Variants in RFX3 observed in about 807,000 individuals in gnomAD.
RFX3 encodes the protein transcription factor RFX3.
Under a neutral mutation model 98.6 loss-of-function variants are expected in RFX3, and 14 were observed. That is an observed-to-expected ratio of 0.14 (90% CI 0.09 to 0.22). The LOEUF (loss-of-function observed/expected upper bound fraction) is 0.22, where lower values mean the gene tolerates loss of function less well. Ranked by LOEUF, RFX3 falls within the 10% of genes least tolerant of loss-of-function variation. The pLI, the probability that RFX3 is intolerant of heterozygous loss-of-function variation, is 1.00. For synonymous variants in RFX3, 383 were observed against 328.4 expected, an observed-to-expected ratio of 1.17 and a Z score of -1.80; for missense variants, 639 against 926.9, an observed-to-expected ratio of 0.69 and a Z score of 4.03.
chr9:3,392,943 T>G (rs894784852), intron 2 of RFX3, among the ~76,000 whole-genome samples: 2 of 151,604 alleles, frequency 1.3e-5, no homozygotes, highest in Admixed American at 1.3e-4. Context: ...TTACTGAATT[T>G]ACTGAAATTA....
intron 3 of RFX3, among the ~76,000 whole-genome samples, chr9:3,345,741 C>T (rs1812570398): frequency 6.6e-6 from 1 of 152,060 alleles, no homozygotes; most frequent in Admixed American, 6.6e-5. Context: ...TAGATAACAA[C>T]AACTGAACTC....
intron 1 of RFX3, among the ~76,000 whole-genome samples, chr9:3,494,430 C>T (rs2133557413): frequency 6.6e-6 from 1 of 152,164 alleles, no homozygotes; most frequent in South Asian, 2.1e-4. Flanking sequence ...CAAAAAAAGT[C>T]AGATTTGTGA....
At chr9:3,465,772 A>T (rs564081237) in intron 1 of RFX3, among the ~76,000 whole-genome samples, 1 of 152,180 alleles carries the variant, frequency 6.6e-6, no homozygotes, top group Non-Finnish European at 1.5e-5. Flanking sequence ...ATATCTCAAA[A>T]TAGAGCAGTG....
intron 4 of RFX3, among the ~76,000 whole-genome samples, chr9:3,320,380 C>G (rs1005900053): frequency 6.6e-6 from 1 of 151,820 alleles, no homozygotes; most frequent in African/African-American, 2.4e-5. Context: ...CAGGGAAACC[C>G]CATGTCTACC....
chr9:3,368,129 C>A lies in RFX3; in HGVS notation c.118-21365G>T, dbSNP rs1395361522. 5.9e-5 allele frequency among the ~76,000 whole-genome samples: 9 copies of A among 152,252 alleles called. No individual in the cohort carries two copies. The South Asian group carries it at 1.9e-3, about 32-fold the overall frequency. ...GATCTTCTGCCTCTAAGTGAAAATG[C>A]AATTTATTGCATAATATATTACCTT... On this transcript the variant is annotated intron_variant, in intron 2 of 16. Coordinates refer to ENST00000617270, the MANE Select transcript of RFX3 (RefSeq NM_001282116.2).
chr9:3,353,129 T>C (rs893409797), intron 2 of RFX3, among the ~76,000 whole-genome samples: 9 of 141,792 alleles, frequency 6.3e-5, no homozygotes, highest in Non-Finnish European at 1.0e-4. Context: ...TTCTCACTCA[T>C]AGGTGGGAAT....
chr9:3,246,518 A>G (rs1820700838), intron 15 of RFX3, among the ~76,000 whole-genome samples: 1 of 152,168 alleles, frequency 6.6e-6, no homozygotes, highest in Admixed American at 6.5e-5. Context: ...TCATTATCCT[A>G]TTTATCTTGT....
intron 5 of RFX3, among the ~76,000 whole-genome samples, chr9:3,297,003 A>G (rs1276809370): frequency 6.6e-6 from 1 of 152,140 alleles, no homozygotes; most frequent in Non-Finnish European, 1.5e-5. Flanking sequence ...TGTCTAAAAC[A>G]TAGTATTAGG....
chr9:3,257,637 G>A (rs922009288), intron 13 of RFX3, among the ~76,000 whole-genome samples: 1 of 152,140 alleles, frequency 6.6e-6, no homozygotes, highest in African/African-American at 2.4e-5. Flanking sequence ...TTTAGGGTAA[G>A]TCAGACAGAT....
At chr9:3,498,808 C>T (rs574482196) in intron 1 of RFX3, among the ~76,000 whole-genome samples, 15 of 152,102 alleles carry the variant, frequency 9.9e-5, no homozygotes, top group Non-Finnish European at 1.9e-4. Flanking sequence ...TTATTACATC[C>T]GGCCTGGTCA....
At chr9:3,297,497 T>C (rs578137698) in intron 5 of RFX3, among the ~76,000 whole-genome samples, 7 of 152,190 alleles carry the variant, frequency 4.6e-5, no homozygotes, top group Non-Finnish European at 7.4e-5. Flanking sequence ...GAAATCCTGA[T>C]TGACAAATAA....
At chr9:3,475,356 G>T (rs139048194) in intron 1 of RFX3, among the ~76,000 whole-genome samples, 4 of 151,514 alleles carry the variant, frequency 2.6e-5, no homozygotes, top group African/African-American at 9.7e-5. Flanking sequence ...CGCAGAGACC[G>T]GTAGTGGCCC....
chr9:3,429,056 T>C (rs1283687742), intron 1 of RFX3, among the ~76,000 whole-genome samples: 3 of 149,882 alleles, frequency 2.0e-5, no homozygotes, highest in Admixed American at 6.6e-5. Context: ...GGAGTCTCGC[T>C]GTGTCTCCCA....
chr9:3,267,157 G>C (rs1031091627), intron 11 of RFX3, among the ~76,000 whole-genome samples: 14 of 151,954 alleles, frequency 9.2e-5, no homozygotes, highest in African/African-American at 3.1e-4. Context: ...TGTTCAACAA[G>C]TAATCCAGTT....
At chr9:3,388,667 T>C (rs1360492868) in intron 2 of RFX3, among the ~76,000 whole-genome samples, 3 of 151,960 alleles carry the variant, frequency 2.0e-5, no homozygotes, top group Admixed American at 6.6e-5. Context: ...GTTTCAAATA[T>C]CCCAATTACA....
chr9:3,339,066 G>A (rs1833549055), intron 3 of RFX3, among the ~76,000 whole-genome samples: 1 of 151,982 alleles, frequency 6.6e-6, no homozygotes, highest in Non-Finnish European at 1.5e-5. Flanking sequence ...TCCAGCCTGG[G>A]CGACAGAGCA....
chr9:3,228,001 C>T (rs1817988036), intron 16 of RFX3, among the ~76,000 whole-genome samples: 1 of 152,146 alleles, frequency 6.6e-6, no homozygotes, highest in Non-Finnish European at 1.5e-5. Flanking sequence ...AGTTTTTGTG[C>T]ATTTTGTACC....
At chr9:3,381,488 C>T (rs1839189885) in intron 2 of RFX3, among the ~76,000 whole-genome samples, 1 of 151,960 alleles carries the variant, frequency 6.6e-6, no homozygotes, top group South Asian at 2.1e-4. Context: ...GATTTGTTTA[C>T]AAACAAAAAG....
At chr9:3,315,533 C>A (rs1201907761) in intron 4 of RFX3, among the ~76,000 whole-genome samples, 1 of 151,152 alleles carries the variant, frequency 6.6e-6, no homozygotes, top group Non-Finnish European at 1.5e-5. Flanking sequence ...CAGAGCAGAA[C>A]TGAAGGAGAT....
Sources: allele counts gnomAD v4.1 joint callset (sites outside exome capture counted in the v4.1 genomes callset), GRCh38; gene constraint gnomAD v4.1.1; transcripts MANE v1.5; gene names NCBI Gene and HGNC (gene_info 2026-07-23, HGNC 2026-07-21).